DMD: variants seen among roughly 807,000 people sequenced by gnomAD.
DMD encodes dystrophin.
A neutral mutation model predicts 330.1 loss-of-function variants in DMD; 63 were observed. The observed-to-expected ratio is 0.19, with a 90% confidence interval of 0.16 to 0.24. The LOEUF (loss-of-function observed/expected upper bound fraction) is 0.24, where lower values mean the gene tolerates loss of function less well. DMD is among the 10% of genes least tolerant of loss of function. DMD has a pLI of 1.00. For missense variants in DMD, 3,344 were observed against 2,684.1 expected (o/e 1.25, Z -5.43); for synonymous variants, 1,223 against 959.8 (o/e 1.27, Z -5.07).
At chrX:31,359,115 AAAAT>A (rs1033396882) in intron 60 of DMD, among the ~76,000 whole-genome samples, 1 of 112,455 alleles carries the variant, frequency 8.9e-6, no homozygotes, top group Non-Finnish European at 1.9e-5. Flanking sequence ...AGAAAAAATA[AAAAT>A]AAATAAGAAA....
intron 7 of DMD, among the ~76,000 whole-genome samples, chrX:32,728,636 G>A (rs1006467770): frequency 1.8e-5 from 2 of 112,228 alleles, no homozygotes; most frequent in Admixed American, 9.5e-5. Context: ...TGGCCTATGA[G>A]AAAATGTGAT....
rs143900318 is a variant in DMD at position 32,411,905 on chromosome X, C to T, written c.4080G>A (p.Arg1360=). 10 of 1,210,339 alleles carry T rather than the reference C, an allele frequency of 8.3e-6. No individual in the cohort carries two copies. Among genetic ancestry groups the T allele is most frequent in the African/African-American group, 1.7e-5 (1 of 57,617 alleles). Residue 1360 remains arginine (R), a synonymous_variant, in exon 30 of 79, where the codon AGG becomes AGA. Coordinates refer to ENST00000357033, the MANE Select transcript of DMD (RefSeq NM_004006.3). Reference sequence around the variant, plus strand: ...TGCTCTGTTCAAGCAACTTTTGCCTCCTTACAGCCTAAAAAGAAGGAATAA... The same window carrying T: ...TGCTCTGTTCAAGCAACTTTTGCCTTCTTACAGCCTAAAAAGAAGGAATAA... ...RWRELHEEAV[R]RQKLLEQSIQ...
At chrX:32,393,224 G>C (rs1019054066) in intron 30 of DMD, among the ~76,000 whole-genome samples, 1 of 110,853 alleles carries the variant, frequency 9.0e-6, no homozygotes, top group African/African-American at 3.3e-5. Flanking sequence ...TTCTAAATGA[G>C]AGTCCTAAAT....
At chrX:32,249,504 C>A (rs2097254915) in intron 43 of DMD, among the ~76,000 whole-genome samples, 1 of 111,751 alleles carries the variant, frequency 8.9e-6, no homozygotes, top group African/African-American at 3.2e-5. Flanking sequence ...ACAAGTAGCT[C>A]AGAGTGCTAA....
intron 48 of DMD, among the ~76,000 whole-genome samples, chrX:31,866,367 T>A (rs1294784676): frequency 8.9e-6 from 1 of 111,763 alleles, no homozygotes; most frequent in Non-Finnish European, 1.9e-5. Context: ...GGAAACAGAC[T>A]GGATACCGTG....
chrX:31,829,827 G>A (rs1342599629), intron 49 of DMD, among the ~76,000 whole-genome samples: 1 of 111,848 alleles, frequency 8.9e-6, no homozygotes, highest in East Asian at 2.8e-4. Flanking sequence ...GCATACATTC[G>A]AATATTGTAA....
At chrX:31,295,988 T>C (rs1382771001) in intron 62 of DMD, among the ~76,000 whole-genome samples, 2 of 103,075 alleles carry the variant, frequency 1.9e-5, no homozygotes, top group Admixed American at 1.1e-4. Flanking sequence ...AGTGACTTTT[T>C]TTTTTTTTTT....
chrX:32,994,195 T>C (rs2093055091), intron 2 of DMD, among the ~76,000 whole-genome samples: 1 of 110,568 alleles, frequency 9.0e-6, no homozygotes, highest in Non-Finnish European at 1.9e-5. Flanking sequence ...TCTGATCTGC[T>C]TCAGAGGAAA....
chrX:32,146,100 GT>G (rs766981696), intron 44 of DMD, among the ~76,000 whole-genome samples: 17 of 112,106 alleles, frequency 1.5e-4, no homozygotes, highest in Non-Finnish European at 3.2e-4. Context: ...TATCCCTACT[GT>G]TTAGGACATC....
At chrX:31,403,696 AAC>A (rs1487320098) in intron 60 of DMD, among the ~76,000 whole-genome samples, 1 of 112,063 alleles carries the variant, frequency 8.9e-6, no homozygotes, top group Non-Finnish European at 1.9e-5. Context: ...TAGGGTTTAA[AAC>A]ACCATGAATG....
Position 32,565,797 on chromosome X carries a change from T to C in DMD, c.1897A>G (p.Asn633Asp), listed in dbSNP as rs757047592. ...LKQDLLSTLK[N>D]KSVTQKTEAW... ...TCCGTCTTCTGGGTCACTGACTTAT[T>C]CTTCAGTGTTGAAAGAAGATCTTGT... The change falls in exon 16 of 79, where the codon AAT becomes GAT. Residue 633 changes from asparagine (N) to aspartate (D), a missense_variant. Coordinates refer to ENST00000357033, the MANE Select transcript of DMD (RefSeq NM_004006.3). 29 of 1,209,001 alleles carry C rather than the reference T, an allele frequency of 2.4e-5. No individual in the cohort carries two copies. The highest frequency in any genetic ancestry group is 3.2e-5 in the Non-Finnish European group (29 of 894,253).
rs759076223 is a variant in DMD, at chrX:31,890,785, AAAAAC to A, written c.6913-15417_6913-15413del. On this transcript the variant is annotated intron_variant, in intron 47 of 78. Coordinates refer to ENST00000357033, the MANE Select transcript of DMD (RefSeq NM_004006.3). ...GTTTTTCTCCAAAACTCATTCTCTA[AAAAAC>A]AAAACAAAACAAAACAAAAATAGAA... Among the ~76,000 whole-genome samples, 148 of 111,898 alleles carry A rather than the reference AAAAAC, an allele frequency of 1.3e-3. 1 individual carries two copies. Among genetic ancestry groups the A allele is most frequent in the African/African-American group, 4.7e-3 (145 of 30,898 alleles).
At chrX:32,536,508 G>A (rs756906150) in intron 17 of DMD, among the ~76,000 whole-genome samples, 1 of 111,935 alleles carries the variant, frequency 8.9e-6, no homozygotes, top group Non-Finnish European at 1.9e-5. Flanking sequence ...ATAGGGCAGT[G>A]CGGAACAAAG....
At chrX:31,511,406 T>C (rs889033664) in intron 55 of DMD, among the ~76,000 whole-genome samples, 6 of 105,101 alleles carry the variant, frequency 5.7e-5, no homozygotes, top group African/African-American at 1.7e-4. Flanking sequence ...TATGTATACA[T>C]GTGCCATGCT....
At chrX:32,072,327 A>G (rs2096306702) in intron 44 of DMD, among the ~76,000 whole-genome samples, 1 of 111,499 alleles carries the variant, frequency 9.0e-6, no homozygotes, top group African/African-American at 3.3e-5. Context: ...TGTTATTTAT[A>G]TTGCAATATT....
chrX:32,406,726 A>G (rs1288536162), intron 30 of DMD, among the ~76,000 whole-genome samples: 1 of 110,877 alleles, frequency 9.0e-6, no homozygotes, highest in Non-Finnish European at 1.9e-5. Context: ...TTTTCTGTAT[A>G]TTACAAGGCT....
chrX:31,307,644 T>C (rs1432213905), intron 62 of DMD, among the ~76,000 whole-genome samples: 2 of 112,078 alleles, frequency 1.8e-5, no homozygotes, highest in African/African-American at 3.2e-5. Flanking sequence ...TCGGCTCTCT[T>C]GTATCAACAT....
At chrX:33,219,330 G>GTGTT (rs1557302335) in intron 1 of DMD, among the ~76,000 whole-genome samples, 1 of 104,158 alleles carries the variant, frequency 9.6e-6, no homozygotes, top group Non-Finnish European at 2.0e-5. Context: ...GTGTGTGTGT[G>GTGTT]TGTGTGTGTG....
At chrX:33,207,516 A>G (rs748176277) in intron 1 of DMD, among the ~76,000 whole-genome samples, 2 of 111,688 alleles carry the variant, frequency 1.8e-5, no homozygotes, top group Admixed American at 1.9e-4. Flanking sequence ...TCTGGAAGAC[A>G]CATTCACTTT....
Sources: allele counts gnomAD v4.1 joint callset (sites outside exome capture counted in the v4.1 genomes callset), GRCh38; gene constraint gnomAD v4.1.1; transcripts MANE v1.5; gene names NCBI Gene and HGNC (gene_info 2026-07-23, HGNC 2026-07-21).